Variants in IPO11 observed in about 807,000 individuals in gnomAD.
The protein encoded by IPO11 is importin 11.
In IPO11, 66 loss-of-function variants were observed where a neutral mutation model predicts 143.2. The ratio of observed to expected loss-of-function variants is 0.46; its 90% confidence interval spans 0.38 to 0.57. The LOEUF (loss-of-function observed/expected upper bound fraction) is 0.57. Among genes scored for constraint, IPO11 ranks in the 20% least tolerant of loss-of-function variants. IPO11 has a pLI of 0.00. For synonymous variants in IPO11, 385 were observed against 377.8 expected, an observed-to-expected ratio of 1.02 and a Z score of -0.22; for missense variants, 1,026 against 1,141.0, an observed-to-expected ratio of 0.90 and a Z score of 1.45.
At position 62,550,441 on chromosome 5, in the gene IPO11, C is replaced by G. The variant is rs758501230; in HGVS notation, c.2325C>G (p.Phe775Leu). 6.2e-7 allele frequency: 1 copy of G among 1,611,374 alleles called. No individual in the cohort carries two copies. The highest frequency in any genetic ancestry group is 8.5e-7 in the Non-Finnish European group (1 of 1,178,228). The change falls in exon 25 of 30, where the codon TTC becomes TTG. Residue 775 changes from phenylalanine (F) to leucine (L), a missense_variant. By Grantham distance (22) the Phe-to-Leu change is conservative. Transcript: ENST00000325324. Reference protein sequence around the residue: ...QMFQPILPYVFKGIIEGERYP... With the variant: ...QMFQPILPYVLKGIIEGERYP... ...TTCAACCGATTTTACCCTATGTTTT[C>G]AAGGGTATTATAGAAGGGGAGGTAA...
chr5:62,421,261 C>T (rs1460549093), intron 1 of IPO11, among the ~76,000 whole-genome samples: 1 of 152,056 alleles, frequency 6.6e-6, no homozygotes, highest in East Asian at 1.9e-4. Context: ...TATAATACAC[C>T]TTTGTTTTAG....
At chr5:62,448,923 G>A (rs1015553611) in intron 3 of IPO11, among the ~76,000 whole-genome samples, 2 of 152,022 alleles carry the variant, frequency 1.3e-5, no homozygotes, top group African/African-American at 4.8e-5. Context: ...AATCCCTCTT[G>A]TCTTTAATGC....
At position 62,494,077 on chromosome 5, in the gene IPO11, A is replaced by C; in HGVS notation, c.1543A>C (p.Met515Leu). 3 of 1,613,302 alleles carry C rather than the reference A, an allele frequency of 1.9e-6. No homozygotes were observed. The highest frequency in any genetic ancestry group is 2.5e-6 in the Non-Finnish European group (3 of 1,179,556). The change falls in exon 16 of 30, where the codon ATG becomes CTG. Residue 515 changes from methionine to leucine, a missense_variant. This residue lies in a region of IPO11 where 237 missense variants were observed against 288.0 expected (regional missense o/e 0.82). Coordinates refer to ENST00000325324, the MANE Select transcript of IPO11 (RefSeq NM_016338.5). ...SVKFKSDLRP[M>L]LYEAICNLLQ... ...GAAATTCAAGTCTGACTTAAGACCC[A>C]TGCTTTATGAAGCAATCTGTAACTT...
intron 7 of IPO11, 68 bp downstream of exon 7, chr5:62,470,376 CTCTTTTTA>C (rs1745722038): frequency 3.0e-6 from 4 of 1,344,698 alleles, no homozygotes; most frequent in Admixed American, 3.5e-5. Flanking sequence ...TGAAAGAGTG[CTCTTTTTA>C]TTTGGCATTC....
intron 20 of IPO11, among the ~76,000 whole-genome samples, chr5:62,519,798 A>G (rs1742145604): frequency 6.6e-6 from 1 of 152,346 alleles, no homozygotes; most frequent in South Asian, 2.1e-4. Flanking sequence ...GGTGACTGCC[A>G]GAATAAATTC....
chr5:62,442,156 T>A (rs948963927), intron 2 of IPO11, among the ~76,000 whole-genome samples: 1 of 152,178 alleles, frequency 6.6e-6, no homozygotes, highest in Non-Finnish European at 1.5e-5. Flanking sequence ...ATCAAACTTA[T>A]TTACAAGGAT....
chr5:62,522,987 G>GCA (rs535856643), intron 20 of IPO11, among the ~76,000 whole-genome samples: 690 of 152,112 alleles, frequency 4.5e-3, no homozygotes, highest in Middle Eastern at 6.8e-3. Context: ...ACACAGTTGT[G>GCA]CACACACACA....
At chr5:62,445,888 C>T (rs1032330426) in intron 3 of IPO11, among the ~76,000 whole-genome samples, 1 of 152,066 alleles carries the variant, frequency 6.6e-6, no homozygotes, top group African/African-American at 2.4e-5. Flanking sequence ...GATAGATAGT[C>T]ATTGTACACT....
intron 1 of IPO11, among the ~76,000 whole-genome samples, chr5:62,424,707 GGT>G (rs891154082): frequency 3.3e-5 from 5 of 151,430 alleles, no homozygotes; most frequent in Non-Finnish European, 7.4e-5. Context: ...CTCCCAAATT[GGT>G]GGGATTACAG....
intron 13 of IPO11, among the ~76,000 whole-genome samples, chr5:62,488,406 C>T (rs189607422): frequency 8.4e-4 from 128 of 152,280 alleles, no homozygotes; most frequent in African/African-American, 2.8e-3. Context: ...CAGTGCTGGG[C>T]ATATTCAGTA....
intron 28 of IPO11, among the ~76,000 whole-genome samples, chr5:62,592,801 A>G (rs1296951504): frequency 2.0e-5 from 3 of 152,098 alleles, no homozygotes; most frequent in Non-Finnish European, 2.9e-5. Flanking sequence ...GTGGGAGCTC[A>G]CTCACAAGCA....
chr5:62,438,314 C>CA (rs1180295033), intron 2 of IPO11, among the ~76,000 whole-genome samples: 9 of 148,936 alleles, frequency 6.0e-5, no homozygotes, highest in Non-Finnish European at 1.0e-4. Context: ...CTGAATATAA[C>CA]AAAAAAGATG....
At chr5:62,441,179 T>A (rs1439368317) in intron 2 of IPO11, among the ~76,000 whole-genome samples, 1 of 152,164 alleles carries the variant, frequency 6.6e-6, no homozygotes, top group Non-Finnish European at 1.5e-5. Flanking sequence ...GTTGAGATTA[T>A]TCACATCACA....
intron 1 of IPO11, among the ~76,000 whole-genome samples, chr5:62,427,764 C>G (rs1001856227): frequency 6.6e-6 from 1 of 152,186 alleles, no homozygotes; most frequent in African/African-American, 2.4e-5. Flanking sequence ...CACTGCCCTG[C>G]CCCATCTGTG....
At chr5:62,549,716 A>G (rs965049317) in intron 24 of IPO11, among the ~76,000 whole-genome samples, 2 of 152,160 alleles carry the variant, frequency 1.3e-5, no homozygotes, top group Non-Finnish European at 2.9e-5. Flanking sequence ...AAAAATAAAC[A>G]AACTCCACCC....
At chr5:62,418,310 C>T (rs1172448671) in intron 1 of IPO11, among the ~76,000 whole-genome samples, 4 of 152,088 alleles carry the variant, frequency 2.6e-5, no homozygotes, top group African/African-American at 4.8e-5. Context: ...GGATTACAGA[C>T]GTGCGCCACC....
intron 2 of IPO11, among the ~76,000 whole-genome samples, chr5:62,440,354 T>G (rs1744424760): frequency 6.7e-6 from 1 of 149,756 alleles, no homozygotes. Context: ...GTCCCCTTTT[T>G]TTTTTTTTTT....
chr5:62,488,691 A>G, intron 13 of IPO11, among the ~76,000 whole-genome samples: 1 of 152,138 alleles, frequency 6.6e-6, no homozygotes, highest in East Asian at 1.9e-4. Flanking sequence ...GGTGTATCCT[A>G]GAGAAGAGCA....
At chr5:62,474,348 C>T in intron 7 of IPO11, 68 bp from the exon 8 acceptor site, 1 of 973,060 alleles carries the variant, frequency 1.0e-6, no homozygotes, top group Non-Finnish European at 1.5e-6. Context: ...TTTGGTATCC[C>T]TGAAAAAGAT....
Sources: allele counts gnomAD v4.1 joint callset (sites outside exome capture counted in the v4.1 genomes callset), GRCh38; gene constraint gnomAD v4.1.1; regional missense constraint gnomAD v4.1.1; transcripts MANE v1.5; gene names NCBI Gene and HGNC (gene_info 2026-07-23, HGNC 2026-07-21).